Variants in KDM5D observed in about 807,000 individuals in gnomAD.
KDM5D encodes lysine-specific demethylase 5D.
KDM5D carries 25 observed loss-of-function variants against 31.9 expected under a neutral mutation model. The observed-to-expected ratio is 0.78, with a 90% CI of 0.57 to 1.09. The LOEUF is 1.09. KDM5D is among the 50% of genes least tolerant of loss of function. KDM5D has a pLI of 0.00. For missense variants in KDM5D, 366 were observed against 341.6 expected, an observed-to-expected ratio of 1.07 and a Z score of -0.56; for synonymous variants, 146 against 122.3, an observed-to-expected ratio of 1.19 and a Z score of -1.28.
In KDM5D at chrY:19,732,732, T is replaced by C. The variant is rs1245759378; in HGVS notation, c.944A>G (p.Tyr315Cys). The change falls in exon 9 of 27, where the codon TAT (tyrosine) becomes TGT (cysteine). Residue 315 changes from tyrosine (Y) to cysteine (C), a missense_variant. Physicochemically the swap from Tyr to Cys is radical, Grantham distance 194. Coordinates refer to ENST00000317961, the MANE Select transcript of KDM5D (RefSeq NM_004653.5). Reference sequence around the variant, plus strand: ...CCCACGGGAGCATACTTGGCAAATATATGAGTCAATCTACCAAAAAAAAAA... The same window carrying C: ...CCCACGGGAGCATACTTGGCAAATACATGAGTCAATCTACCAAAAAAAAAA... ...NHSSAQFIDS[Y>C]ICQVCSRGDE... The C allele has an allele frequency of 4.3e-5, 16 of 376,231 alleles. No homozygotes were observed. Among genetic ancestry groups the C allele is most frequent in the African/African-American group, 6.9e-5 (1 of 14,455 alleles). The allele number at this position is 376,231 out of a possible 400,897, so 93.8% of individuals were successfully genotyped here.
chrY:19,741,892 T>A, intron 3 of KDM5D, 35 bp from the exon 4 acceptor site: 1 of 353,744 alleles, frequency 2.8e-6, no homozygotes, highest in Non-Finnish European at 4.0e-6. Flanking sequence ...ATTGGCATAC[T>A]CCTTAACCTG....
In KDM5D at chrY:19,721,261, C is replaced by A; in HGVS notation, c.1422G>T (p.Gln474His). 1 of 396,217 alleles carries A rather than the reference C, an allele frequency of 2.5e-6. No individual in the cohort carries two copies. Among genetic ancestry groups the A allele is most frequent in the Non-Finnish European group, 3.5e-6 (1 of 282,712 alleles). The change falls in exon 12 of 27, where the codon CAG becomes CAT. Residue 474 changes from glutamine (Q) to histidine (H), a missense_variant. By Grantham distance (24) the Gln-to-His change is conservative (BLOSUM62 0). Coordinates refer to ENST00000317961, the MANE Select transcript of KDM5D (RefSeq NM_004653.5). ...WNLNVMPVLD[Q>H]SVLCHINADI... ...CTGCATTGATGTGACAGAGAACAGA[C>A]TGATCTAGCACTGGCATCACATTCA...
chrY:19,723,945 C>T, intron 11 of KDM5D, among the ~76,000 whole-genome samples: 2 of 33,511 alleles, frequency 6.0e-5, no homozygotes, highest in Non-Finnish European at 1.5e-4. Context: ...CAAACTTATA[C>T]AAATCAACAA....
In KDM5D at chrY:19,707,634, G is replaced by A; in HGVS notation, c.3512C>T (p.Pro1171Leu). Residue 1171 changes from proline (P) to leucine (L), a missense_variant, in exon 24 of 27, where the codon CCG becomes CTG. Transcript: ENST00000317961. ...PLAPSLMASS[P>L]TSICVCGQVP... ...CTGCCCACACACACAGATAGAAGTC[G>A]GAGAAGAGGCCATGAGGGATGGTGC... 1.0e-5 allele frequency: 4 copies of A among 397,421 alleles called. No homozygotes were observed. The highest frequency in any genetic ancestry group is 3.0e-5 in the South Asian group (1 of 33,396).
intron 11 of KDM5D, among the ~76,000 whole-genome samples, chrY:19,728,330 C>G: frequency 3.0e-5 from 1 of 33,389 alleles, no homozygotes; most frequent in African/African-American, 1.2e-4. Flanking sequence ...AATAAAAATT[C>G]ACAAATGCCT....
Position 19,705,139 on chromosome Y carries a change from G to T in KDM5D, c.*856C>A. The T allele has an allele frequency of 8.9e-5, 3 of 33,844 alleles. No individual in the cohort carries two copies. The highest frequency in any genetic ancestry group is 1.5e-4 in the Non-Finnish European group (2 of 13,617). 8.4% of individuals were successfully genotyped at this position (33,844 alleles called of 400,897 possible). On this transcript the variant is annotated 3_prime_UTR_variant, in exon 27 of 27. Transcript: ENST00000317961. ...TGATGCAATGCAACAAGTTAACTCA[G>T]ATATTGGCACATGCAAGTCCAGCCA...
rs770490752 is a variant in KDM5D at position 19,707,439 on chromosome Y, C to T, written c.3707G>A (p.Arg1236His). The change falls in exon 24 of 27, where the codon CGC becomes CAC. Residue 1236 changes from arginine (R) to histidine (H), a missense_variant. Transcript: ENST00000317961. ...DTKFLCPLCMRSRRPRLETIL... is the reference protein window; with the variant it reads ...DTKFLCPLCMHSRRPRLETIL... Reference sequence around the variant, plus strand: ...TGTCTCTAGGCGTGGCCGTCGTGAGCGCATACACAGTGGACACAGGAATTT... The same window carrying T: ...TGTCTCTAGGCGTGGCCGTCGTGAGTGCATACACAGTGGACACAGGAATTT... The T allele has an allele frequency of 2.5e-6, 1 of 394,843 alleles. No homozygotes were observed. Among genetic ancestry groups the T allele is most frequent in the Non-Finnish European group, 3.6e-6 (1 of 281,275 alleles).
Position 19,715,716 on chromosome Y carries a change from A to T in KDM5D, c.2237T>A (p.Leu746His). ...CTTCAGTTTATGCAGCATGGTGGGG[A>T]GCTCATCCAAGGTGTACCGATACCT... The part of the protein sequence containing the change: ...YLRYRYTLDE[L>H]PTMLHKLKIR... Residue 746 changes from leucine to histidine, a missense_variant, in exon 17 of 27, where the codon CTC becomes CAC. Transcript: ENST00000317961. 1 of 398,231 alleles carries T rather than the reference A, an allele frequency of 2.5e-6. No homozygotes were observed. The highest frequency in any genetic ancestry group is 3.5e-6 in the Non-Finnish European group (1 of 283,389).
chrY:19,729,119 G>T, intron 11 of KDM5D, among the ~76,000 whole-genome samples: 3 of 32,201 alleles, frequency 9.3e-5, no homozygotes, highest in African/African-American at 3.7e-4. Flanking sequence ...AGGCTGAGAG[G>T]CAGGAGAATT....
intron 13 of KDM5D, among the ~76,000 whole-genome samples, chrY:19,718,682 T>G (rs926613323): frequency 4.7e-4 from 16 of 34,075 alleles, no homozygotes; most frequent in Non-Finnish European, 1.1e-3. Flanking sequence ...TTTTGTGTTA[T>G]GTGAATTTCA....
At chrY:19,709,873 G>C in intron 19 of KDM5D, 64 bp from the exon 20 acceptor site, 4 of 378,158 alleles carry the variant, frequency 1.1e-5, no homozygotes, top group Non-Finnish European at 1.5e-5. Context: ...ACCTAGATTT[G>C]CTCCACTTCT....
In KDM5D at chrY:19,744,385, C is replaced by T. The variant is rs375257364; in HGVS notation, c.150G>A (p.Ala50=). The change falls in exon 2 of 27, where the codon GCG becomes GCA. Residue 50 remains alanine, a splice_region_variant and synonymous_variant. Coordinates refer to ENST00000317961, the MANE Select transcript of KDM5D (RefSeq NM_004653.5). Reference sequence around the variant, plus strand: ...CCCAAATTTTGTTTCAAAGACTTACCGCGGGTGGGCGGATTTTGCAGATGC... The same window carrying T: ...CCCAAATTTTGTTTCAAAGACTTACTGCGGGTGGGCGGATTTTGCAGATGC... ...KSGICKIRPP[A]DWQPPFAVEV... The T allele has an allele frequency of 1.3e-5, 5 of 385,474 alleles. No homozygotes were observed. In the African/African-American group the frequency reaches 3.3e-4, roughly 25 times the overall value.
chrY:19,735,227 A>G, intron 8 of KDM5D, 125 bp downstream of exon 8: 1 of 206,499 alleles, frequency 4.8e-6, no homozygotes, highest in Non-Finnish European at 8.0e-6. Context: ...CCGTCTCTTC[A>G]GATAAAAGGG....
At chrY:19,740,326 T>C (rs2045539164) in intron 5 of KDM5D, among the ~76,000 whole-genome samples, 1 of 33,057 alleles carries the variant, frequency 3.0e-5, no homozygotes, top group Non-Finnish European at 7.4e-5. Flanking sequence ...CCCAACACTT[T>C]GGAAGGCTGA....
intron 18 of KDM5D, among the ~76,000 whole-genome samples, chrY:19,713,631 T>A: frequency 3.0e-5 from 1 of 33,294 alleles, no homozygotes; most frequent in Middle Eastern, 0.014. Flanking sequence ...ATGGCAATTA[T>A]GAAAGTCAGG....
Position 19,715,365 on chromosome Y carries a change from C to T in KDM5D, c.2473G>A (p.Gly825Ser). ...CCTCTCACGTACCTGGCCACCTGAC[C>T]ACTGACCAGCCCCAGGACTTGAGCA... ...CIAQVLGLVS[G>S]QVARMDTPQL... is the part of the protein sequence containing the mutation. The change falls in exon 18 of 27, where the codon GGT becomes AGT. Residue 825 changes from glycine to serine, a missense_variant. Transcript: ENST00000317961. 1 of 398,122 alleles carries T rather than the reference C, an allele frequency of 2.5e-6. No homozygotes were observed. Among genetic ancestry groups the T allele is most frequent in the South Asian group, 3.0e-5 (1 of 33,728 alleles).
At chrY:19,726,147 C>T (rs2045430090) in intron 11 of KDM5D, among the ~76,000 whole-genome samples, 1 of 33,417 alleles carries the variant, frequency 3.0e-5, no homozygotes, top group Non-Finnish European at 7.4e-5. Context: ...GGCGATTCCT[C>T]AAGGATCTAG....
chrY:19,727,540 G>T, intron 11 of KDM5D, among the ~76,000 whole-genome samples: 1 of 33,338 alleles, frequency 3.0e-5, no homozygotes, highest in Non-Finnish European at 7.4e-5. Flanking sequence ...CATACATGTT[G>T]TTCAAAGAAA....
rs2045220332 is a variant in KDM5D, at chrY:19,705,440, GTTTTAT to G, written c.*549_*554del. ...TTCATAGTATCCAAACATACTCATT[GTTTTAT>G]TTTTAACAAAAGAAATGAAATTAAA... On this transcript the variant is annotated 3_prime_UTR_variant, in exon 27 of 27. Coordinates refer to ENST00000317961, the MANE Select transcript of KDM5D (RefSeq NM_004653.5). 5.9e-5 allele frequency: 2 copies of G among 34,123 alleles called. No individual in the cohort carries two copies. The highest frequency in any genetic ancestry group is 1.4e-4 in the Non-Finnish European group (2 of 13,879). The allele number at this position is 34,123 out of a possible 400,897, so 8.5% of individuals were successfully genotyped here.
Sources: allele counts gnomAD v4.1 joint callset (sites outside exome capture counted in the v4.1 genomes callset), GRCh38; gene constraint gnomAD v4.1.1; transcripts MANE v1.5; gene names NCBI Gene and HGNC (gene_info 2026-07-23, HGNC 2026-07-21).